Variants in LY6S observed in about 807,000 individuals in gnomAD.
LY6S encodes lymphocyte antigen 6S.
chr8:143,066,938 A>T, the LY6S span, among the ~76,000 whole-genome samples: 1 of 152,186 alleles, frequency 6.6e-6, no homozygotes, highest in East Asian at 1.9e-4. Flanking sequence ...CATGGGGAAA[A>T]GGCCTCAAAG....
chr8:143,043,040 G>A, the LY6S span: 1 of 1,367,862 alleles, frequency 7.3e-7, no homozygotes, highest in East Asian at 4.6e-5. Flanking sequence ...GCAATTCAGT[G>A]AGGCAGCTCT....
chr8:143,070,435 ATATATATAT>A, the LY6S span, among the ~76,000 whole-genome samples: 2 of 91,296 alleles, frequency 2.2e-5, no homozygotes, highest in African/African-American at 1.4e-4. Context: ...TATATATATT[ATATATATAT>A]TGTATATATA....
the LY6S span, among the ~76,000 whole-genome samples, chr8:143,074,281 A>C: frequency 1.3e-5 from 2 of 152,092 alleles, no homozygotes; most frequent in Non-Finnish European, 1.5e-5. Flanking sequence ...CAGTTGGATC[A>C]GTACCATATG....
At chr8:143,045,042 A>G in the LY6S span, among the ~76,000 whole-genome samples, 13 of 152,162 alleles carry the variant, frequency 8.5e-5, no homozygotes, top group African/African-American at 3.1e-4. This position sits in a 1 kb window ranked among gnomAD's most constrained non-coding sequence, Gnocchi z 5.3. Flanking sequence ...CCCAATGCCA[A>G]AGGCATACAC....
chr8:143,055,321 C>G, the LY6S span, among the ~76,000 whole-genome samples: 2 of 152,102 alleles, frequency 1.3e-5, no homozygotes, highest in Admixed American at 1.3e-4. Flanking sequence ...TGGGAAGGAC[C>G]AAGGACAAAG....
At chr8:143,049,850 T>C in the LY6S span, among the ~76,000 whole-genome samples, 172 of 152,312 alleles carry the variant, frequency 1.1e-3, no homozygotes, top group African/African-American at 3.8e-3. Flanking sequence ...TTATGACACA[T>C]GTCCCATAAA....
the LY6S span, among the ~76,000 whole-genome samples, chr8:143,075,285 A>C: frequency 6.6e-6 from 1 of 152,058 alleles, no homozygotes; most frequent in Non-Finnish European, 1.5e-5. This position sits in a 1 kb window ranked among gnomAD's most constrained non-coding sequence, Gnocchi z 4.1. Context: ...TGGAGGTTGG[A>C]CCCTGAGCTT....
chr8:143,072,375 TC>T, the LY6S span, among the ~76,000 whole-genome samples: 1 of 136,126 alleles, frequency 7.3e-6, no homozygotes, highest in Non-Finnish European at 1.5e-5. Flanking sequence ...ACAGCCGTCG[TC>T]CTCGGGATTC....
the LY6S span, among the ~76,000 whole-genome samples, chr8:143,042,749 C>T: frequency 6.6e-6 from 1 of 152,162 alleles, no homozygotes; most frequent in Admixed American, 6.5e-5. Context: ...TTGGCCCTGG[C>T]TCCTCGGCAA....
chr8:143,055,907 G>A, the LY6S span, among the ~76,000 whole-genome samples: 1 of 152,044 alleles, frequency 6.6e-6, no homozygotes, highest in Non-Finnish European at 1.5e-5. Context: ...AATGCTAACA[G>A]GTATCGAGTT....
chr8:143,056,160 G>C, the LY6S span, among the ~76,000 whole-genome samples: 47 of 148,224 alleles, frequency 3.2e-4, no homozygotes, highest in African/African-American at 1.2e-3. Flanking sequence ...TGGTGGGGGT[G>C]GCACTATCAC....
At chr8:143,070,611 T>G in the LY6S span, among the ~76,000 whole-genome samples, 1 of 149,366 alleles carries the variant, frequency 6.7e-6, no homozygotes, top group Admixed American at 6.7e-5. Context: ...TCCAGCCTCC[T>G]GGGTAGCTGG....
chr8:143,061,647 T>C, the LY6S span, among the ~76,000 whole-genome samples: 1 of 152,196 alleles, frequency 6.6e-6, no homozygotes, highest in Non-Finnish European at 1.5e-5. Flanking sequence ...CGGGTTCAAG[T>C]AATTCTCCTG....
chr8:143,044,534 A>T, the LY6S span: 4 of 61,204 alleles, frequency 6.5e-5, no homozygotes, highest in Non-Finnish European at 6.3e-5. Flanking sequence ...CGCCATGCCC[A>T]CCCCACCCCA....
At chr8:143,065,783 T>TTCTCTTTCTTTCTTTCTCTTTCTTTC in the LY6S span, 4 of 115,224 alleles carry the variant, frequency 3.5e-5, no homozygotes, top group Admixed American at 3.6e-4. Flanking sequence ...CTTTCTTTCT[T>TTCTCTTTCTTTCTTTCTCTTTCTTTC]TTTCTTTCTT....
chr8:143,072,949 G>A, the LY6S span, among the ~76,000 whole-genome samples: 6 of 97,726 alleles, frequency 6.1e-5, no homozygotes, highest in South Asian at 4.6e-4. Context: ...GGAGACAGCC[G>A]TCGTCCTCGG....
chr8:143,047,443 C>T, the LY6S span, among the ~76,000 whole-genome samples: 2 of 152,052 alleles, frequency 1.3e-5, no homozygotes, highest in African/African-American at 4.8e-5. Flanking sequence ...GGCGCCTGGC[C>T]CAGGGGCTTG....
chr8:143,054,685 T>C, the LY6S span, among the ~76,000 whole-genome samples: 1 of 152,188 alleles, frequency 6.6e-6, no homozygotes, highest in South Asian at 2.1e-4. Context: ...CCCATCTAAC[T>C]CCACACTGGC....
At chr8:143,071,194 C>CGTGGAATATAGACTCAGG in the LY6S span, among the ~76,000 whole-genome samples, 5 of 151,622 alleles carry the variant, frequency 3.3e-5, no homozygotes, top group African/African-American at 9.7e-5. Context: ...GAAGACCCGG[C>CGTGGAATATAGACTCAGG]AGCATGGATG....
Sources: allele counts gnomAD v4.1 joint callset (sites outside exome capture counted in the v4.1 genomes callset), GRCh38; gene constraint gnomAD v4.1.1; non-coding constraint Gnocchi (gnomAD v3.1); transcripts MANE v1.5; gene names NCBI Gene and HGNC (gene_info 2026-07-23, HGNC 2026-07-21).